COMMD10: variants seen among roughly 807,000 people sequenced by gnomAD.
COMMD10 encodes the protein COMM domain containing 10, also known as COMM domain-containing protein 10.
A neutral mutation model predicts 28.9 loss-of-function variants in COMMD10; 33 were observed. The ratio of observed to expected loss-of-function variants is 1.14; its 90% CI spans 0.87 to 1.53. The LOEUF (loss-of-function observed/expected upper bound fraction) is 1.53. COMMD10 is among the 40% of genes most tolerant of loss of function. The probability of loss-of-function intolerance (pLI) is 0.00; values close to 1 mark genes in which losing one functional copy is unlikely to be tolerated. For missense variants in COMMD10, 310 were observed against 233.4 expected (o/e 1.33, Z -2.14); for synonymous variants, 110 against 81.7 (o/e 1.35, Z -1.87).
At chr5:116,169,494 C>G (rs921798917) in intron 5 of COMMD10, among the ~76,000 whole-genome samples, 5 of 152,122 alleles carry the variant, frequency 3.3e-5, no homozygotes, top group Middle Eastern at 3.2e-3. Flanking sequence ...ATTTAAGAGG[C>G]CAGCATTATC....
chr5:116,266,317 A>G (rs1173163042), intron 5 of COMMD10, among the ~76,000 whole-genome samples: 1 of 151,818 alleles, frequency 6.6e-6, no homozygotes, highest in African/African-American at 2.4e-5. Flanking sequence ...TCCAAATTGT[A>G]GATTTTTTAA....
At chr5:116,287,674 AT>A (rs544020937) in intron 5 of COMMD10, among the ~76,000 whole-genome samples, 1 of 148,722 alleles carries the variant, frequency 6.7e-6, no homozygotes, top group East Asian at 2.0e-4. Flanking sequence ...TGTTTCATTG[AT>A]TTTTTTTTCT....
chr5:116,126,656 C>G (rs1376345592), intron 4 of COMMD10, among the ~76,000 whole-genome samples: 1 of 151,706 alleles, frequency 6.6e-6, no homozygotes, highest in Non-Finnish European at 1.5e-5. Flanking sequence ...ACAAACCTGA[C>G]AAAAACAAGA....
chr5:116,219,963 C>T (rs1198572279), intron 5 of COMMD10, among the ~76,000 whole-genome samples: 1 of 151,894 alleles, frequency 6.6e-6, no homozygotes, highest in East Asian at 1.9e-4. Context: ...TAAATAGTCT[C>T]TACTTTTTCT....
At chr5:116,187,834 A>T (rs1748193059) in intron 5 of COMMD10, among the ~76,000 whole-genome samples, 2 of 152,070 alleles carry the variant, frequency 1.3e-5, no homozygotes, top group African/African-American at 2.4e-5. Context: ...GTGTTTTTTT[A>T]AAGTACTTTC....
chr5:116,263,538 G>A (rs1277752502), intron 5 of COMMD10, among the ~76,000 whole-genome samples: 1 of 151,522 alleles, frequency 6.6e-6, no homozygotes, highest in Non-Finnish European at 1.5e-5. Context: ...TCAACTAAGA[G>A]CCAGGCACCC....
chr5:116,247,123 G>GA (rs1182955923), intron 5 of COMMD10, among the ~76,000 whole-genome samples: 2 of 149,984 alleles, frequency 1.3e-5, no homozygotes, highest in African/African-American at 2.5e-5. Context: ...AATTTCCAAA[G>GA]AAAAAAACAA....
At chr5:116,147,582 T>C (rs1752390691) in intron 5 of COMMD10, among the ~76,000 whole-genome samples, 1 of 151,812 alleles carries the variant, frequency 6.6e-6, no homozygotes, top group South Asian at 2.1e-4. Context: ...ATGACATCAG[T>C]GAAACTGTAT....
chr5:116,190,539 G>A (rs1449183135), intron 5 of COMMD10, among the ~76,000 whole-genome samples: 1 of 152,120 alleles, frequency 6.6e-6, no homozygotes, highest in African/African-American at 2.4e-5. Flanking sequence ...CCATTACACT[G>A]CTTTTTTGCC....
rs189903859 is a variant in COMMD10 at position 116,151,777 on chromosome 5, A to G, written c.510+17599A>G. 9.8e-3 allele frequency among the ~76,000 whole-genome samples: 1,496 copies of G among 152,160 alleles called. 26 individuals are homozygous for G. Among genetic ancestry groups the G allele is most frequent in the African/African-American group, 0.033 (1,385 of 41,512 alleles). ...TCTTTATTAGTCTTGCTAATGGTCT[A>G]TCAATTTTGTTGATCCTTTCAAAAA... On this transcript the variant is annotated intron_variant, in intron 5 of 6. Coordinates refer to ENST00000274458, the MANE Select transcript of COMMD10 (RefSeq NM_016144.4).
At chr5:116,107,250 T>G (rs1040465107) in intron 4 of COMMD10, among the ~76,000 whole-genome samples, 1 of 152,214 alleles carries the variant, frequency 6.6e-6, no homozygotes, top group Non-Finnish European at 1.5e-5. Context: ...GAAGTTCTCC[T>G]GGATAATACC....
Position 116,282,700 on chromosome 5 carries a change from C to T in COMMD10, c.511-8817C>T, listed in dbSNP as rs559829304. On this transcript the variant is annotated intron_variant, in intron 5 of 6. Transcript: ENST00000274458. ...CCTTGGCTTGTAAATGGTTGTCTTT[C>T]TCTGGTGTCTTTGCATGGTCTTCCT... Among the ~76,000 whole-genome samples, 2 of 151,986 alleles carry T rather than the reference C, an allele frequency of 1.3e-5. 1 individual carries two copies. The highest frequency in any genetic ancestry group is 4.8e-5 in the African/African-American group (2 of 41,304).
At chr5:116,139,411 G>T (rs919535756) in intron 5 of COMMD10, among the ~76,000 whole-genome samples, 1 of 151,596 alleles carries the variant, frequency 6.6e-6, no homozygotes, top group African/African-American at 2.4e-5. Flanking sequence ...CAGTTAAAAA[G>T]AAAAGATGTC....
rs888588936 is a variant in COMMD10, at chr5:116,087,600, G to A, written c.132+13G>A. The stretch of plus-strand genomic sequence containing the variant: ...ACTTCACCTGAAGGTTTGTATTTGT[G>A]TGTTTCCATGCCTTGTAATCTTCCT... On this transcript the variant is annotated intron_variant, in intron 2 of 6. Coordinates refer to ENST00000274458, the MANE Select transcript of COMMD10 (RefSeq NM_016144.4). 6.6e-7 allele frequency: 1 copy of A among 1,521,516 alleles called. No individual in the cohort carries two copies. The highest frequency in any genetic ancestry group is 9.1e-7 in the Non-Finnish European group (1 of 1,095,678). The allele number at this position is 1,521,516 out of a possible 1,614,324, so 94.3% of individuals were successfully genotyped here.
chr5:116,185,145 C>T (rs1284381836), intron 5 of COMMD10, among the ~76,000 whole-genome samples: 3 of 152,102 alleles, frequency 2.0e-5, no homozygotes, highest in Admixed American at 1.3e-4. Flanking sequence ...TAGAGCTTTG[C>T]GCCCATAGAT....
At chr5:116,266,048 T>C (rs1313680403) in intron 5 of COMMD10, among the ~76,000 whole-genome samples, 2 of 151,506 alleles carry the variant, frequency 1.3e-5, no homozygotes, top group Non-Finnish European at 2.9e-5. Flanking sequence ...TTTTGGGAGG[T>C]GGGGAAGGCC....
intron 5 of COMMD10, among the ~76,000 whole-genome samples, chr5:116,136,642 A>G (rs1464249064): frequency 6.6e-6 from 1 of 152,212 alleles, no homozygotes; most frequent in African/African-American, 2.4e-5. Context: ...AGCCATGTTA[A>G]TAAGACATTC....
chr5:116,173,915 T>C (rs1401669781), intron 5 of COMMD10, among the ~76,000 whole-genome samples: 1 of 151,914 alleles, frequency 6.6e-6, no homozygotes, highest in African/African-American at 2.4e-5. Context: ...TAATTCTTTA[T>C]TCAACAAACA....
At chr5:116,154,282 T>C (rs1752633101) in intron 5 of COMMD10, among the ~76,000 whole-genome samples, 1 of 152,212 alleles carries the variant, frequency 6.6e-6, no homozygotes. Flanking sequence ...TTCTCTCTCC[T>C]ATTGTTTAAT....
Sources: allele counts gnomAD v4.1 joint callset (sites outside exome capture counted in the v4.1 genomes callset), GRCh38; gene constraint gnomAD v4.1.1; transcripts MANE v1.5; gene names NCBI Gene and HGNC (gene_info 2026-07-23, HGNC 2026-07-21).